SOX6: variants seen among roughly 807,000 people sequenced by gnomAD.
SOX6 encodes the protein SRY-box transcription factor 6.
A neutral mutation model predicts 97.8 loss-of-function variants in SOX6; 11 were observed. That is an observed-to-expected ratio of 0.11 (90% confidence interval 0.07 to 0.19). SOX6 has a LOEUF of 0.19. Ranked by LOEUF, SOX6 falls within the 10% of genes least tolerant of loss-of-function variation. SOX6 has a pLI of 1.00. For synonymous variants in SOX6, 360 were observed against 371.4 expected, an observed-to-expected ratio of 0.97 and a Z score of 0.35; for missense variants, 810 against 1,039.5, an observed-to-expected ratio of 0.78 and a Z score of 3.04.
chr11:16,618,461 T>A (rs2133987044), intron 3 of SOX6, among the ~76,000 whole-genome samples: 1 of 152,072 alleles, frequency 6.6e-6, no homozygotes, highest in East Asian at 1.9e-4. Flanking sequence ...GAATGAATAC[T>A]ATGTGAGTAT....
At chr11:16,370,940 CT>C (rs1398800304) in intron 1 of SOX6, among the ~76,000 whole-genome samples, 1 of 152,012 alleles carries the variant, frequency 6.6e-6, no homozygotes, top group Non-Finnish European at 1.5e-5. Flanking sequence ...TGTTTCTACT[CT>C]TCTTCATCCC....
chr11:16,159,798 T>C lies in SOX6; in HGVS notation c.777+24088A>G, dbSNP rs975657358. ...CTTTTGATAAGTCTGTTTCTACCTATAAAAATCTACTTAATGCAACAGAAC... is the reference window on the plus strand; with the variant it reads ...CTTTTGATAAGTCTGTTTCTACCTACAAAAATCTACTTAATGCAACAGAAC... On this transcript the variant is annotated intron_variant, in intron 6 of 15. Transcript: ENST00000683767. 2.6e-5 allele frequency among the ~76,000 whole-genome samples: 4 copies of C among 152,262 alleles called. No individual in the cohort carries two copies. In the East Asian group the frequency reaches 5.8e-4, roughly 22 times the overall value.
At chr11:16,132,330 G>GAAA (rs1849779295) in intron 6 of SOX6, among the ~76,000 whole-genome samples, 5 of 68,434 alleles carry the variant, frequency 7.3e-5, no homozygotes, top group African/African-American at 1.7e-4. Flanking sequence ...AAGGAAGGAA[G>GAAA]GAAAGAAAAA....
intron 1 of SOX6, among the ~76,000 whole-genome samples, chr11:16,374,965 C>T (rs1384484762): frequency 6.6e-6 from 1 of 151,938 alleles, no homozygotes; most frequent in Non-Finnish European, 1.5e-5. Flanking sequence ...AAGGAGACAA[C>T]TACAGTCCAA....
At chr11:16,507,125 T>A (rs975464852) in intron 4 of SOX6, among the ~76,000 whole-genome samples, 1 of 152,060 alleles carries the variant, frequency 6.6e-6, no homozygotes, top group Admixed American at 6.6e-5. Context: ...CCCTTCTTAC[T>A]CACTCTTCCT....
Position 16,568,897 on chromosome 11 carries a change from C to T in SOX6, n.609+43184G>A, listed in dbSNP as rs1162254907. Among the ~76,000 whole-genome samples, 4 of 152,292 alleles carry T rather than the reference C, an allele frequency of 2.6e-5. No homozygotes were observed. The East Asian group carries it at 5.8e-4, about 22-fold the overall frequency. ...CCTTCTTAACCTTCTCTCTCCCATCCCGCAATTGTGATTTTACCCAGGGCA... is the reference window on the plus strand; with the variant it reads ...CCTTCTTAACCTTCTCTCTCCCATCTCGCAATTGTGATTTTACCCAGGGCA... On this transcript the variant is annotated intron_variant and non_coding_transcript_variant, in intron 4 of 5. Coordinates refer to the SOX6 transcript ENST00000524520.
chr11:16,569,868 C>CA lies in SOX6; in HGVS notation n.609+42212dup, dbSNP rs34604334. On this transcript the variant is annotated intron_variant and non_coding_transcript_variant, in intron 4 of 5. Transcript: ENST00000524520. ...TGGGTGACTGATCAAGACTCCGTCT[C>CA]AAAAAAAAAAAAAAAAAGATATACT... Among the ~76,000 whole-genome samples the CA allele has an allele frequency of 8.2e-3, 696 of 84,774 alleles. 55 individuals carry two copies. The East Asian group carries it at 0.085, about 10-fold the overall frequency. 55.6% of individuals were successfully genotyped at this position (84,774 alleles called of 152,430 possible). A position where few individuals can be genotyped will look rare whatever the true frequency, so the allele number is the denominator to read the frequency against.
chr11:16,162,451 T>A (rs544911156), intron 6 of SOX6, among the ~76,000 whole-genome samples: 1 of 152,296 alleles, frequency 6.6e-6, no homozygotes, highest in African/African-American at 2.4e-5. Context: ...GGTGTTTGGA[T>A]CATGGGTGTG....
chr11:16,633,276 C>T (rs1404213766), intron 3 of SOX6, among the ~76,000 whole-genome samples: 1 of 152,186 alleles, frequency 6.6e-6, no homozygotes, highest in Non-Finnish European at 1.5e-5. Context: ...TTTTTTACTT[C>T]CTGGAACTAA....
chr11:16,348,691 T>C (rs1249361865), intron 1 of SOX6, among the ~76,000 whole-genome samples: 1 of 152,132 alleles, frequency 6.6e-6, no homozygotes, highest in African/African-American at 2.4e-5. Flanking sequence ...AAAGGGTATG[T>C]CAGCGCATTT....
chr11:16,005,672 T>C (rs1018136370), intron 13 of SOX6, among the ~76,000 whole-genome samples: 1 of 151,972 alleles, frequency 6.6e-6, no homozygotes, highest in Admixed American at 6.6e-5. Flanking sequence ...CCATGAGCAA[T>C]TTCTCTACCA....
At chr11:16,109,294 G>A (rs552147136) in intron 7 of SOX6, among the ~76,000 whole-genome samples, 7 of 152,092 alleles carry the variant, frequency 4.6e-5, no homozygotes, top group South Asian at 2.1e-4. Context: ...TCAACCTACC[G>A]GGCTCAAGCA....
At chr11:16,293,747 C>T (rs532983022) in intron 3 of SOX6, among the ~76,000 whole-genome samples, 62 of 152,120 alleles carry the variant, frequency 4.1e-4, no homozygotes, top group Non-Finnish European at 7.8e-4. Flanking sequence ...TGTGAAATTA[C>T]AACCAACCAA....
intron 1 of SOX6, among the ~76,000 whole-genome samples, chr11:16,466,610 T>A (rs935937933): frequency 2.6e-5 from 4 of 151,266 alleles, no homozygotes; most frequent in African/African-American, 9.7e-5. Flanking sequence ...TATTAGGAAC[T>A]TAAACAAAAT....
At chr11:16,480,429 C>T (rs1860324019), upstream of SOX6, among the ~76,000 whole-genome samples, 1 of 152,032 alleles carries the variant, frequency 6.6e-6, no homozygotes, top group South Asian at 2.1e-4. Context: ...TACAGGGCAA[C>T]TTCAAATGAG....
At chr11:16,546,690 G>A (rs1329895142) in intron 4 of SOX6, among the ~76,000 whole-genome samples, 1 of 152,046 alleles carries the variant, frequency 6.6e-6, no homozygotes, top group African/African-American at 2.4e-5. Flanking sequence ...AGTGCTTCAG[G>A]ACACGATCTA....
intron 3 of SOX6, among the ~76,000 whole-genome samples, chr11:16,288,512 T>C: frequency 6.6e-6 from 1 of 152,124 alleles, no homozygotes; most frequent in Non-Finnish European, 1.5e-5. Flanking sequence ...AGATATGTTC[T>C]AAAGCTAGAA....
intron 10 of SOX6, among the ~76,000 whole-genome samples, chr11:16,054,112 T>C (rs892188415): frequency 6.6e-6 from 1 of 152,132 alleles, no homozygotes; most frequent in African/African-American, 2.4e-5. Flanking sequence ...AAAGATGGAA[T>C]AGTAAAAGCA....
chr11:16,127,680 G>A (rs1052784411), intron 6 of SOX6, among the ~76,000 whole-genome samples: 1 of 152,076 alleles, frequency 6.6e-6, no homozygotes, highest in Non-Finnish European at 1.5e-5. Flanking sequence ...TGGAAAGTGA[G>A]AAAATAATAT....
Sources: allele counts gnomAD v4.1 joint callset (sites outside exome capture counted in the v4.1 genomes callset), GRCh38; gene constraint gnomAD v4.1.1; transcripts MANE v1.5; gene names NCBI Gene and HGNC (gene_info 2026-07-23, HGNC 2026-07-21).